Variants in RYR3 observed in about 807,000 individuals in gnomAD.
The protein encoded by RYR3 is ryanodine receptor 3.
RYR3 carries 207 observed loss-of-function variants against 584.3 expected under a neutral mutation model. That is an observed-to-expected ratio of 0.35 (90% CI 0.32 to 0.40). RYR3 has a LOEUF of 0.40. Ranked by LOEUF, RYR3 falls within the 10% of genes least tolerant of loss-of-function variation. The probability of loss-of-function intolerance (pLI) is 1.00; values close to 1 mark genes in which losing one functional copy is unlikely to be tolerated. For synonymous variants in RYR3, 2,416 were observed against 2,248.5 expected (o/e 1.07, Z -2.11); for missense variants, 5,616 against 6,089.2 (o/e 0.92, Z 2.59).
At chr15:33,434,571 T>G (rs1192311158) in intron 1 of RYR3, among the ~76,000 whole-genome samples, 1 of 152,202 alleles carries the variant, frequency 6.6e-6, no homozygotes, top group Non-Finnish European at 1.5e-5. Flanking sequence ...TGAAATATTT[T>G]ATGCAAGTAA....
chr15:33,769,241 A>G, intron 62 of RYR3, 69 bp downstream of exon 62: 2 of 1,141,458 alleles, frequency 1.8e-6, no homozygotes, highest in Non-Finnish European at 2.7e-6. Flanking sequence ...CTCACTAATT[A>G]TACTGAAGAG....
chr15:33,691,927 G>T (rs917043742), intron 38 of RYR3, among the ~76,000 whole-genome samples: 2 of 152,148 alleles, frequency 1.3e-5, no homozygotes, highest in African/African-American at 4.8e-5. Flanking sequence ...TTATCAACAC[G>T]ATGAAAAAGG....
intron 60 of RYR3, among the ~76,000 whole-genome samples, chr15:33,759,055 T>C (rs1234494525): frequency 6.6e-6 from 1 of 152,238 alleles, no homozygotes; most frequent in East Asian, 1.9e-4. Context: ...CAGAGGGACC[T>C]GACTGTTAGA....
intron 3 of RYR3, among the ~76,000 whole-genome samples, chr15:33,505,197 C>T (rs901024854): frequency 6.6e-6 from 1 of 152,190 alleles, no homozygotes; most frequent in Non-Finnish European, 1.5e-5. Flanking sequence ...TTTCGGCCAT[C>T]CTCCAGCCCT....
rs577496539 is a variant in RYR3, at chr15:33,664,589, G to GTGTATA, written c.5619+853_5619+854insGTATAT. On this transcript the variant is annotated intron_variant, in intron 36 of 103. Transcript: ENST00000634891. Reference sequence around the variant, plus strand: ...TATATAGATATATGTGTGTGTGTGTGTATATATATATATATATATATATAT... The same window carrying GTGTATA: ...TATATAGATATATGTGTGTGTGTGTGTGTATATATATATATATATATATATATATAT... Among the ~76,000 whole-genome samples, 145 of 91,252 alleles carry GTGTATA rather than the reference G, an allele frequency of 1.6e-3. 1 individual carries two copies. The highest frequency in any genetic ancestry group is 3.4e-3 in the East Asian group (11 of 3,212). 59.9% of individuals were successfully genotyped at this position (91,252 alleles called of 152,430 possible). A position where few individuals can be genotyped will look rare whatever the true frequency, so the allele number is the denominator to read the frequency against.
chr15:33,502,509 T>C (rs983311112), intron 2 of RYR3, among the ~76,000 whole-genome samples: 2 of 152,152 alleles, frequency 1.3e-5, no homozygotes, highest in African/African-American at 4.8e-5. Flanking sequence ...AAACAAAGGA[T>C]TGGTACACAG....
At chr15:33,403,701 G>C (rs559851984) in intron 1 of RYR3, among the ~76,000 whole-genome samples, 169 of 152,242 alleles carry the variant, frequency 1.1e-3, no homozygotes, top group African/African-American at 4.0e-3. Flanking sequence ...CAGTGAAATA[G>C]TCATAATTTT....
chr15:33,835,780 C>T (rs151206483), intron 87 of RYR3, among the ~76,000 whole-genome samples: 100 of 152,296 alleles, frequency 6.6e-4, no homozygotes, highest in African/African-American at 2.3e-3. Context: ...TCTGGCCTTA[C>T]GGGAGGAGAG....
At position 33,739,956 on chromosome 15, in the gene RYR3, C is replaced by T. The variant is rs201466342; in HGVS notation, c.7781C>T (p.Ala2594Val). Residue 2594 changes from alanine to valine, a missense_variant, in exon 51 of 104, where the codon GCG becomes GTG. By Grantham distance (64) the Ala-to-Val change is moderately conservative. Coordinates refer to ENST00000634891, the MANE Select transcript of RYR3 (RefSeq NM_001036.6). ...ATLEKQISVD[A>V]DGNFDPKPIN... The stretch of plus-strand genomic sequence containing the variant: ...TTGGAGAAACAGATCTCAGTGGATG[C>T]GGATGGCAACTTTGACCCAAAACCT... 3.3e-5 allele frequency: 54 copies of T among 1,613,684 alleles called. No individual in the cohort carries two copies. In the African/African-American group the frequency reaches 4.7e-4, roughly 14 times the overall value.
chr15:33,676,917 G>A (rs1172098977), intron 38 of RYR3, among the ~76,000 whole-genome samples: 2 of 152,112 alleles, frequency 1.3e-5, no homozygotes, highest in African/African-American at 4.8e-5. Flanking sequence ...TTTAGTGATG[G>A]GGAAGAGAGT....
Position 33,670,519 on chromosome 15 carries a change from G to C in RYR3, c.5823G>C (p.Glu1941Asp). The C allele has an allele frequency of 6.2e-7, 1 of 1,601,064 alleles. No individual in the cohort carries two copies. The highest frequency in any genetic ancestry group is 1.1e-5 in the South Asian group (1 of 88,396). ...AAATCAAAGGCCCACCCAAGCCAGAGAAGGAGCAGCCGACGGAGGAGGAGG... is the reference window on the plus strand; with the variant it reads ...AAATCAAAGGCCCACCCAAGCCAGACAAGGAGCAGCCGACGGAGGAGGAGG... ...VYKIKGPPKP[E>D]KEQPTEEEER... is the part of the protein sequence containing the mutation. The change falls in exon 38 of 104, where the codon GAG becomes GAC. Residue 1941 changes from glutamate (E) to aspartate (D), a missense_variant. Physicochemically the swap from Glu to Asp is conservative, Grantham distance 45. Transcript: ENST00000634891.
Position 33,565,470 on chromosome 15 carries a change from G to A in RYR3, c.1147-1208G>A, listed in dbSNP as rs374991323. 3.8e-3 allele frequency among the ~76,000 whole-genome samples: 586 copies of A among 152,264 alleles called. 4 individuals carry two copies. The highest frequency in any genetic ancestry group is 0.013 in the African/African-American group (558 of 41,548). On this transcript the variant is annotated intron_variant, in intron 11 of 103. Coordinates refer to ENST00000634891, the MANE Select transcript of RYR3 (RefSeq NM_001036.6). ...GTATTCTATTTCATCATATCAGGAA[G>A]TACCTTCAAAATAATAAAAAGGAAG...
Position 33,807,455 on chromosome 15 carries a change from C to T in RYR3, c.10012-100C>T, listed in dbSNP as rs147628648. The T allele has an allele frequency of 6.0e-6, 7 of 1,163,626 alleles. No homozygotes were observed. The African/African-American group carries it at 9.2e-5, about 15-fold the overall frequency. 72.1% of individuals were successfully genotyped at this position (1,163,626 alleles called of 1,614,324 possible). On this transcript the variant is annotated intron_variant, in intron 69 of 103. Coordinates refer to ENST00000634891, the MANE Select transcript of RYR3 (RefSeq NM_001036.6). ...TGTTGTGTTGGCTGAGAAATGGGGG[C>T]TAAGAAGCTATAACTAACATATGGT...
At chr15:33,525,911 G>A (rs1432122912) in intron 3 of RYR3, among the ~76,000 whole-genome samples, 2 of 152,190 alleles carry the variant, frequency 1.3e-5, no homozygotes, top group Non-Finnish European at 2.9e-5. Context: ...GAAGTGAGGT[G>A]TGAAAGGAAG....
intron 77 of RYR3, 111 bp downstream of exon 77, chr15:33,819,918 A>C: frequency 1.3e-6 from 1 of 758,030 alleles, no homozygotes; most frequent in Non-Finnish European, 2.1e-6. Flanking sequence ...TTGTCATGAC[A>C]TAGGTTTCAG....
chr15:33,382,617 C>T (rs759957096), intron 1 of RYR3, among the ~76,000 whole-genome samples: 1 of 151,950 alleles, frequency 6.6e-6, no homozygotes, highest in Non-Finnish European at 1.5e-5. Context: ...CCACCGTGCC[C>T]ACCCCAAAAA....
intron 1 of RYR3, among the ~76,000 whole-genome samples, chr15:33,432,668 T>TTTTGTGTGTGTGTGTGTGTGTGTG (rs1555469374): frequency 1.1e-4 from 14 of 132,196 alleles, no homozygotes; most frequent in African/African-American, 4.4e-4. Flanking sequence ...GCCTAGCTAA[T>TTTTGTGTGTGTGTGTGTGTGTGTG]TGTGTGTGTG....
chr15:33,793,255 C>G (rs1159534129), intron 67 of RYR3, among the ~76,000 whole-genome samples: 4 of 152,282 alleles, frequency 2.6e-5, no homozygotes, highest in East Asian at 3.9e-4. Flanking sequence ...ACCCTCCCTG[C>G]CCATCAATGT....
At chr15:33,578,259 A>G (rs1395603744) in intron 12 of RYR3, among the ~76,000 whole-genome samples, 2 of 152,260 alleles carry the variant, frequency 1.3e-5, no homozygotes, top group Non-Finnish European at 2.9e-5. Flanking sequence ...ATTACTAGGT[A>G]TATACCCAAA....
Sources: allele counts gnomAD v4.1 joint callset (sites outside exome capture counted in the v4.1 genomes callset), GRCh38; gene constraint gnomAD v4.1.1; transcripts MANE v1.5; gene names NCBI Gene and HGNC (gene_info 2026-07-23, HGNC 2026-07-21).